The following CPED1 variants were observed in gnomAD, a reference collection of about 807,000 sequenced individuals.
The protein encoded by CPED1 is cadherin like and PC-esterase domain containing 1, also known as cadherin-like and PC-esterase domain-containing protein 1.
A neutral mutation model predicts 128.2 loss-of-function variants in CPED1; 114 were observed. The observed-to-expected ratio is 0.89, with a 90% CI of 0.76 to 1.04. CPED1 has a LOEUF of 1.04. CPED1 is among the 50% of genes least tolerant of loss of function. The probability of loss-of-function intolerance (pLI) is 0.00; values close to 1 mark genes in which losing one functional copy is unlikely to be tolerated. For missense variants in CPED1, 1,211 were observed against 1,207.1 expected (o/e 1.00, Z -0.05); for synonymous variants, 462 against 426.7 (o/e 1.08, Z -1.02).
chr7:121,098,238 A>T (rs1794748871), intron 6 of CPED1, among the ~76,000 whole-genome samples: 1 of 152,052 alleles, frequency 6.6e-6, no homozygotes, highest in Admixed American at 6.6e-5. Context: ...TCTGCTGTGT[A>T]TCAAGTTATC....
chr7:121,121,217 C>T (rs1363011955), intron 7 of CPED1, among the ~76,000 whole-genome samples: 1 of 152,102 alleles, frequency 6.6e-6, no homozygotes, highest in Non-Finnish European at 1.5e-5. Flanking sequence ...CAGACATGAT[C>T]CAAGTTTTTC....
At chr7:121,261,373 A>ATGGG (rs1792012612) in intron 18 of CPED1, among the ~76,000 whole-genome samples, 1 of 152,056 alleles carries the variant, frequency 6.6e-6, no homozygotes, top group Non-Finnish European at 1.5e-5. Flanking sequence ...TAGGTGGAAA[A>ATGGG]ATCTGAACAG....
At chr7:121,124,153 C>G (rs546195857) in intron 7 of CPED1, among the ~76,000 whole-genome samples, 178 bp from the exon 8 acceptor site, 1 of 152,220 alleles carries the variant, frequency 6.6e-6, no homozygotes, top group African/African-American at 2.4e-5. Context: ...GACATTTAAA[C>G]CTTTCTCTTT....
intron 16 of CPED1, among the ~76,000 whole-genome samples, chr7:121,166,210 C>A (rs1796522540): frequency 6.6e-6 from 1 of 152,054 alleles, no homozygotes; most frequent in Non-Finnish European, 1.5e-5. Flanking sequence ...GGTGTGGCAT[C>A]AGAAGATTTG....
intron 7 of CPED1, among the ~76,000 whole-genome samples, chr7:121,105,673 T>C (rs1019552598): frequency 2.0e-5 from 3 of 152,152 alleles, no homozygotes; most frequent in Admixed American, 2.0e-4. Flanking sequence ...AGCATGTAAT[T>C]GAATAAACTT....
At chr7:121,192,770 T>C (rs1797173264) in intron 16 of CPED1, among the ~76,000 whole-genome samples, 2 of 152,066 alleles carry the variant, frequency 1.3e-5, no homozygotes, top group African/African-American at 4.8e-5. Context: ...ACAAAACACA[T>C]ACTGTAAAAT....
intron 16 of CPED1, among the ~76,000 whole-genome samples, chr7:121,183,008 A>T (rs1421321799): frequency 6.6e-6 from 1 of 152,124 alleles, no homozygotes; most frequent in Non-Finnish European, 1.5e-5. Flanking sequence ...AGAAAAAAAA[A>T]ACTCAGTTTT....
intron 22 of CPED1, among the ~76,000 whole-genome samples, chr7:121,283,378 G>C (rs964266787): frequency 2.6e-5 from 4 of 152,114 alleles, no homozygotes; most frequent in Admixed American, 2.6e-4. Context: ...GTTCTAGAAA[G>C]CTATCTACAA....
chr7:121,122,136 T>A (rs1795405667), intron 7 of CPED1, among the ~76,000 whole-genome samples: 1 of 123,498 alleles, frequency 8.1e-6, no homozygotes, highest in Non-Finnish European at 1.6e-5. Flanking sequence ...CACACTCATC[T>A]GGATTTTTTT....
intron 5 of CPED1, among the ~76,000 whole-genome samples, chr7:121,092,213 T>G (rs1384918487): frequency 2.0e-5 from 3 of 152,220 alleles, no homozygotes; most frequent in Non-Finnish European, 4.4e-5. Context: ...CGTAGTATTG[T>G]GCCAATCTAA....
intron 16 of CPED1, among the ~76,000 whole-genome samples, chr7:121,191,375 A>G (rs1797134951): frequency 6.6e-6 from 1 of 152,104 alleles, no homozygotes; most frequent in Non-Finnish European, 1.5e-5. Context: ...GGAGGAAGTG[A>G]CATATGAGAT....
At chr7:121,081,257 T>C (rs1794286765) in intron 5 of CPED1, among the ~76,000 whole-genome samples, 1 of 152,190 alleles carries the variant, frequency 6.6e-6, no homozygotes, top group African/African-American at 2.4e-5. Context: ...GTGCAATACA[T>C]TCGTTTTCCT....
At chr7:121,250,580 C>G (rs1798647323) in intron 18 of CPED1, among the ~76,000 whole-genome samples, 1 of 151,722 alleles carries the variant, frequency 6.6e-6, no homozygotes, top group South Asian at 2.1e-4. Context: ...GCTAGCAAGA[C>G]TAATAAGAAA....
intron 14 of CPED1, among the ~76,000 whole-genome samples, chr7:121,136,773 T>G (rs1795793788): frequency 6.6e-6 from 1 of 152,042 alleles, no homozygotes; most frequent in Admixed American, 6.6e-5. Context: ...CACAGTGGCA[T>G]GCACCTATAT....
At chr7:121,040,530 A>G (rs1793022877) in intron 3 of CPED1, among the ~76,000 whole-genome samples, 2 of 152,112 alleles carry the variant, frequency 1.3e-5, no homozygotes, top group South Asian at 4.1e-4. Flanking sequence ...TAGTGGAATC[A>G]AGTATAGACC....
At chr7:121,057,849 T>C (rs1379937196) in intron 4 of CPED1, among the ~76,000 whole-genome samples, 1 of 152,000 alleles carries the variant, frequency 6.6e-6, no homozygotes, top group African/African-American at 2.4e-5. Context: ...CGGGGGAAAA[T>C]AGTCGCTAAG....
rs867934549 is a variant in CPED1 at position 121,104,626 on chromosome 7, T to C, written c.918+4532T>C. On this transcript the variant is annotated intron_variant, in intron 7 of 22. Transcript: ENST00000310396. The stretch of plus-strand genomic sequence containing the variant: ...TTATTTTGTCCAGTCAAGACATAAA[T>C]TAATTCATTGTTTGATCAGCCATCC... 3.3e-5 allele frequency among the ~76,000 whole-genome samples: 5 copies of C among 152,272 alleles called. No homozygotes were observed. In the Middle Eastern group the frequency reaches 0.01, roughly 311 times the overall value.
intron 12 of CPED1, 115 bp downstream of exon 12, chr7:121,130,409 A>G (rs1795633418): frequency 9.6e-6 from 7 of 729,752 alleles, no homozygotes; most frequent in South Asian, 4.1e-5. Flanking sequence ...AGTGTGTCCA[A>G]ATTTCCATGC....
intron 16 of CPED1, among the ~76,000 whole-genome samples, chr7:121,167,475 A>G (rs1469056885): frequency 6.6e-6 from 1 of 152,216 alleles, no homozygotes; most frequent in Non-Finnish European, 1.5e-5. Flanking sequence ...TTTAATTTAT[A>G]AGCATCGTAT....
Sources: allele counts gnomAD v4.1 joint callset (sites outside exome capture counted in the v4.1 genomes callset), GRCh38; gene constraint gnomAD v4.1.1; transcripts MANE v1.5; gene names NCBI Gene and HGNC (gene_info 2026-07-23, HGNC 2026-07-21).